CLECL1: variants seen among roughly 807,000 people sequenced by gnomAD.
The protein encoded by CLECL1 is C-type lectin-like domain family 1.
At chr12:9,719,043 T>C (rs932897574), downstream of CLECL1, among the ~76,000 whole-genome samples, 2 of 152,360 alleles carry the variant, frequency 1.3e-5, no homozygotes, top group Non-Finnish European at 2.9e-5. Context: ...ATCTTCATCT[T>C]GTGTAGGACA....
chr12:9,703,658 G>C, the CLECL1 span, among the ~76,000 whole-genome samples: 464 of 152,242 alleles, frequency 3.0e-3, no homozygotes, highest in Non-Finnish European at 4.7e-3. Context: ...GTCTTTCAAA[G>C]TGCTTGGATT....
intron 2 of CLECL1, among the ~76,000 whole-genome samples, chr12:9,716,965 C>A (rs71447599): frequency 0.24 from 37,136 of 152,126 alleles, 6,276 homozygotes; most frequent in African/African-American, 0.48. Context: ...ACTGACACAG[C>A]TCCAGCAGGG....
At chr12:9,712,651 C>A (rs754441615), downstream of CLECL1, among the ~76,000 whole-genome samples, 36 of 152,282 alleles carry the variant, frequency 2.4e-4, no homozygotes, top group African/African-American at 8.2e-4. Context: ...GCATTCAAAT[C>A]TTTCCCCATT....
At chr12:9,708,391 A>G in the CLECL1 span, among the ~76,000 whole-genome samples, 1 of 152,194 alleles carries the variant, frequency 6.6e-6, no homozygotes, top group African/African-American at 2.4e-5. Flanking sequence ...CTGCAAATTC[A>G]GCAGGGCATA....
At chr12:9,730,541 C>T (rs781333747) in intron 1 of CLECL1, among the ~76,000 whole-genome samples, 3 of 152,262 alleles carry the variant, frequency 2.0e-5, no homozygotes, top group African/African-American at 4.8e-5. Context: ...TTAATTAAAA[C>T]ATCTTTAATA....
chr12:9,732,764 G>T (rs12317499), intron 1 of CLECL1, among the ~76,000 whole-genome samples, 185 bp downstream of exon 1: 45,026 of 152,036 alleles, frequency 0.3, 7,407 homozygotes, highest in South Asian at 0.46. Flanking sequence ...AACCAAAGTG[G>T]CAATTTATTT....
At chr12:9,729,442 T>A (rs1455265342) in intron 2 of CLECL1, among the ~76,000 whole-genome samples, 1 of 152,138 alleles carries the variant, frequency 6.6e-6, no homozygotes, top group African/African-American at 2.4e-5. Context: ...CTATAGAAAA[T>A]CTCTAATTTT....
At chr12:9,717,253 A>G (rs889879466) in intron 2 of CLECL1, among the ~76,000 whole-genome samples, 2 of 152,214 alleles carry the variant, frequency 1.3e-5, no homozygotes, top group Non-Finnish European at 2.9e-5. Flanking sequence ...TACTAAAAAT[A>G]CAAAAACTTA....
At chr12:9,703,611 T>C in the CLECL1 span, among the ~76,000 whole-genome samples, 8,603 of 152,098 alleles carry the variant, frequency 0.057, 263 homozygotes, top group African/African-American at 0.072. Context: ...CCAAGGCTGG[T>C]CTCAAAATTT....
the CLECL1 span, among the ~76,000 whole-genome samples, chr12:9,708,272 A>AT: frequency 6.6e-6 from 1 of 151,996 alleles, no homozygotes; most frequent in Admixed American, 6.5e-5. Flanking sequence ...AATCTCTCCC[A>AT]TTTTTGCCCC....
intron 3 of CLECL1, among the ~76,000 whole-genome samples, chr12:9,723,451 C>A (rs986847002): frequency 2.1e-3 from 224 of 106,086 alleles, no homozygotes; most frequent in African/African-American, 8.6e-3. Context: ...GACACACACA[C>A]ACACACACGC....
At chr12:9,725,110 T>C (rs1490089430) in intron 3 of CLECL1, among the ~76,000 whole-genome samples, 2 of 152,110 alleles carry the variant, frequency 1.3e-5, no homozygotes, top group Admixed American at 6.6e-5. Context: ...ATTTAAGGCA[T>C]TTTCAGAAAA....
At chr12:9,722,474 A>C, downstream of CLECL1, 1 of 1,329,932 alleles carries the variant, frequency 7.5e-7, no homozygotes, top group South Asian at 2.2e-5. Flanking sequence ...CCGGAAAAAA[A>C]AAAAACCTCA....
At chr12:9,709,268 A>C in the CLECL1 span, 1 of 152,422 alleles carries the variant, frequency 6.6e-6, no homozygotes, top group Admixed American at 6.5e-5. Flanking sequence ...CACCCCCAAC[A>C]GGGGAGCCAG....
chr12:9,713,111 T>C (rs1431727395), downstream of CLECL1, among the ~76,000 whole-genome samples: 1 of 152,148 alleles, frequency 6.6e-6, no homozygotes, highest in African/African-American at 2.4e-5. Context: ...TCGTGATTGA[T>C]TTGAGCAAGC....
At chr12:9,710,179 A>G in the CLECL1 span, among the ~76,000 whole-genome samples, 3 of 152,188 alleles carry the variant, frequency 2.0e-5, no homozygotes, top group Admixed American at 1.3e-4. Context: ...CTTTCCTTTA[A>G]TAATACACAT....
downstream of CLECL1, among the ~76,000 whole-genome samples, chr12:9,720,509 T>C (rs1030843765): frequency 1.3e-5 from 2 of 151,882 alleles, no homozygotes; most frequent in Non-Finnish European, 2.9e-5. Context: ...ACCCGGCTAA[T>C]TTTGTATTTT....
chr12:9,723,292 C>T (rs965823650), intron 3 of CLECL1, among the ~76,000 whole-genome samples: 3 of 152,138 alleles, frequency 2.0e-5, no homozygotes, highest in East Asian at 3.8e-4. Context: ...TCACACAAAA[C>T]GATCTTGACA....
the CLECL1 span, among the ~76,000 whole-genome samples, chr12:9,709,741 G>A: frequency 5.3e-5 from 8 of 152,114 alleles, no homozygotes; most frequent in Non-Finnish European, 1.0e-4. Flanking sequence ...ATGATGAGAT[G>A]GAAGACTGGA....
Sources: allele counts gnomAD v4.1 joint callset (sites outside exome capture counted in the v4.1 genomes callset), GRCh38; gene constraint gnomAD v4.1.1; transcripts MANE v1.5; gene names NCBI Gene and HGNC (gene_info 2026-07-23, HGNC 2026-07-21).